Variants in THRAP3 observed in about 807,000 individuals in gnomAD.
THRAP3 encodes the protein thyroid hormone receptor-associated protein 3.
A neutral mutation model predicts 101.0 loss-of-function variants in THRAP3; 16 were observed. The ratio of observed to expected loss-of-function variants is 0.16; its 90% CI spans 0.11 to 0.24. The LOEUF (loss-of-function observed/expected upper bound fraction) is 0.24, where lower values mean the gene tolerates loss of function less well. THRAP3 is among the 10% of genes least tolerant of loss of function. The pLI is 1.00. For missense variants in THRAP3, 989 were observed against 1,202.7 expected (o/e 0.82, Z 2.63); for synonymous variants, 407 against 422.6 (o/e 0.96, Z 0.45).
chr1:36,293,801 A>G, intron 7 of THRAP3, 50 bp from the exon 8 acceptor site: 1 of 1,459,996 alleles, frequency 6.8e-7, no homozygotes, highest in South Asian at 1.2e-5. Flanking sequence ...TATTACCAGT[A>G]TCATATTCAC....
At chr1:36,265,414 T>G (rs1371453351) in intron 2 of THRAP3, among the ~76,000 whole-genome samples, 1 of 150,740 alleles carries the variant, frequency 6.6e-6, no homozygotes, top group Non-Finnish European at 1.5e-5. Context: ...CTGAAAAGAT[T>G]AAAAAATAAT....
At chr1:36,229,577 T>C (rs1645003046) in intron 1 of THRAP3, among the ~76,000 whole-genome samples, 1 of 152,180 alleles carries the variant, frequency 6.6e-6, no homozygotes, top group Non-Finnish European at 1.5e-5. Context: ...TTCTAATGTT[T>C]TCTTTCTTTG....
chr1:36,237,002 C>A (rs1217314753), intron 1 of THRAP3, among the ~76,000 whole-genome samples: 1 of 152,118 alleles, frequency 6.6e-6, no homozygotes, highest in South Asian at 2.1e-4. Context: ...CATGGAGAAA[C>A]CCTGTCTCTA....
At chr1:36,299,929 T>G (rs1646011239) in intron 9 of THRAP3, among the ~76,000 whole-genome samples, 1 of 152,114 alleles carries the variant, frequency 6.6e-6, no homozygotes, top group Non-Finnish European at 1.5e-5. Flanking sequence ...TAAGTGTGTG[T>G]GGGTGAGGAG....
intron 1 of THRAP3, among the ~76,000 whole-genome samples, chr1:36,257,871 C>T (rs573349133): frequency 5.3e-5 from 8 of 152,180 alleles, no homozygotes; most frequent in Non-Finnish European, 7.3e-5. Context: ...GACAGAGTCT[C>T]GCTCTGTCAC....
At position 36,289,181 on chromosome 1, in the gene THRAP3, A is replaced by G. The variant is rs891874558; in HGVS notation, c.1162A>G (p.Met388Val). The change falls in exon 5 of 12, where the codon ATG becomes GTG. Residue 388 changes from methionine to valine, a missense_variant. By Grantham distance (21) the Met-to-Val change is conservative. Coordinates refer to ENST00000354618, the MANE Select transcript of THRAP3 (RefSeq NM_005119.4). ...FSDTGLGDGK[M>V]KSDSFAPKTD... is the part of the protein sequence containing the mutation. Reference sequence around the variant, plus strand: ...TGACACAGGCTTGGGTGATGGAAAAATGAAATCTGATTCTTTTGCTCCCAA... The same window carrying G: ...TGACACAGGCTTGGGTGATGGAAAAGTGAAATCTGATTCTTTTGCTCCCAA... The G allele has an allele frequency of 6.2e-7, 1 of 1,614,034 alleles. No individual in the cohort carries two copies. Among genetic ancestry groups the G allele is most frequent in the African/African-American group, 1.3e-5 (1 of 74,930 alleles).
intron 1 of THRAP3, among the ~76,000 whole-genome samples, chr1:36,250,808 G>C (rs575652782): frequency 1.3e-5 from 2 of 152,026 alleles, no homozygotes; most frequent in East Asian, 3.9e-4. Flanking sequence ...ATCTATTGGC[G>C]CAATCTCAGC....
At chr1:36,242,021 T>G (rs546082504) in intron 1 of THRAP3, 1 of 177,944 alleles carries the variant, frequency 5.6e-6, no homozygotes, top group Admixed American at 5.8e-5. Flanking sequence ...TTGCTAACAC[T>G]GGTATGCTCC....
intron 9 of THRAP3, among the ~76,000 whole-genome samples, 191 bp downstream of exon 9, chr1:36,296,961 A>C (rs564820607): frequency 6.6e-6 from 1 of 152,308 alleles, no homozygotes; most frequent in Admixed American, 6.5e-5. Context: ...AAATAGTGTG[A>C]TCTTTGTCCA....
chr1:36,277,597 C>T (rs1461394336), intron 2 of THRAP3, among the ~76,000 whole-genome samples: 1 of 152,122 alleles, frequency 6.6e-6, no homozygotes, highest in Non-Finnish European at 1.5e-5. Context: ...TCTTCAACCT[C>T]CCAGGCTCAA....
At chr1:36,261,617 G>A (rs1645446943) in intron 2 of THRAP3, among the ~76,000 whole-genome samples, 1 of 152,110 alleles carries the variant, frequency 6.6e-6, no homozygotes. Context: ...CCAGAGAGAC[G>A]AACTACACTG....
At chr1:36,235,242 TTTTTC>T (rs1337608110) in intron 1 of THRAP3, among the ~76,000 whole-genome samples, 1 of 152,186 alleles carries the variant, frequency 6.6e-6, no homozygotes, top group Non-Finnish European at 1.5e-5. Context: ...ATAATTTTCT[TTTTTC>T]TGTGAAGATT....
At position 36,255,767 on chromosome 1, in the gene THRAP3, T is replaced by G. The variant is rs539353837; in HGVS notation, c.-134-3615T>G. On this transcript the variant is annotated intron_variant, in intron 1 of 11. Coordinates refer to ENST00000354618, the MANE Select transcript of THRAP3 (RefSeq NM_005119.4). ...CAGCCTGGGTGAGGGAGTGAGACTC[T>G]GTCTCAAAAAAAAAAAAAGAAAAGA... Among the ~76,000 whole-genome samples, 13 of 110,696 alleles carry G rather than the reference T, an allele frequency of 1.2e-4. No homozygotes were observed. In the East Asian group the frequency reaches 4.8e-3, roughly 41 times the overall value. 72.6% of individuals were successfully genotyped at this position (110,696 alleles called of 152,430 possible).
chr1:36,235,532 A>G (rs1251365343), intron 1 of THRAP3, among the ~76,000 whole-genome samples: 1 of 152,212 alleles, frequency 6.6e-6, no homozygotes, highest in Non-Finnish European at 1.5e-5. Flanking sequence ...GACAAGTCTC[A>G]TATGAAAACC....
In THRAP3 at chr1:36,304,297, C is replaced by G. The variant is rs1370064776; in HGVS notation, c.*280C>G. 9.5e-6 allele frequency: 3 copies of G among 315,006 alleles called. No homozygotes were observed. Among genetic ancestry groups the G allele is most frequent in the Non-Finnish European group, 1.7e-5 (3 of 171,726 alleles). The allele number at this position is 315,006 out of a possible 1,614,324, so 19.5% of individuals were successfully genotyped here. A position where few individuals can be genotyped will look rare whatever the true frequency, so the allele number is the denominator to read the frequency against. On this transcript the variant is annotated 3_prime_UTR_variant, in exon 12 of 12. Transcript: ENST00000354618. ...CATTTGTTGGTGTGTGGGGTGGGGG[C>G]AGGGGTAGGGCGGGAGAGCGATGCT...
chr1:36,286,973 G>A lies in THRAP3; in HGVS notation c.743G>A (p.Ser248Asn). ...AVSELSPRER[S>N]PALKSPLQSV... ...TCTGAGCTGAGTCCTCGGGAGCGAA[G>A]CCCAGCTCTCAAAAGCCCCCTCCAG... is the stretch of plus-strand genomic sequence containing the variant. Residue 248 changes from serine to asparagine, a missense_variant, in exon 4 of 12, where the codon AGC (serine) becomes AAC (asparagine). By Grantham distance (46) the Ser-to-Asn change is conservative. Transcript: ENST00000354618. The surrounding 1 kb of genome is among the most constrained non-coding windows in gnomAD (Gnocchi z 5.5). 6.2e-7 allele frequency: 1 copy of A among 1,614,252 alleles called. No individual in the cohort carries two copies. The highest frequency in any genetic ancestry group is 8.5e-7 in the Non-Finnish European group (1 of 1,180,050).
intron 5 of THRAP3, among the ~76,000 whole-genome samples, chr1:36,290,793 C>A (rs962585150): frequency 3.3e-5 from 5 of 152,158 alleles, no homozygotes; most frequent in Non-Finnish European, 7.3e-5. Context: ...GAAGGCAATA[C>A]ATCTACCCCT....
Position 36,286,857 on chromosome 1 carries a change from C to T in THRAP3, c.627C>T (p.Gly209=). ...CCAAGGAGCAGACATTCTCTGGAGG[C>T]ACCTCTCAAGATACAAAAGCATCTG... is the stretch of plus-strand genomic sequence containing the variant. ...DEAKEQTFSG[G]TSQDTKASES... The change falls in exon 4 of 12, where the codon GGC becomes GGT. Residue 209 remains glycine, a synonymous_variant. Coordinates refer to ENST00000354618, the MANE Select transcript of THRAP3 (RefSeq NM_005119.4). The surrounding 1 kb of genome is among the most constrained non-coding windows in gnomAD (Gnocchi z 5.5). The T allele has an allele frequency of 6.2e-7, 1 of 1,614,136 alleles. No homozygotes were observed. The highest frequency in any genetic ancestry group is 1.1e-5 in the South Asian group (1 of 91,084).
At chr1:36,231,342 C>T (rs916704639) in intron 1 of THRAP3, among the ~76,000 whole-genome samples, 7 of 152,226 alleles carry the variant, frequency 4.6e-5, no homozygotes, top group East Asian at 3.9e-4. Context: ...TCACCCCTGC[C>T]GGTGCCTTGT....
Sources: gnomAD v4.1 joint callset for allele counts (sites outside exome capture counted in the v4.1 genomes callset) on GRCh38, gnomAD v4.1.1 for gene constraint, Gnocchi (gnomAD v3.1) non-coding constraint, MANE v1.5 for transcripts, NCBI Gene and HGNC (gene_info 2026-07-23, HGNC 2026-07-21) for gene names.